Variants in NR3C2 observed in about 807,000 individuals in gnomAD.
NR3C2 encodes mineralocorticoid receptor.
In NR3C2, 15 loss-of-function variants were observed where a neutral mutation model predicts 86.4. That is an observed-to-expected ratio of 0.17 (90% CI 0.12 to 0.27). The LOEUF is 0.27. NR3C2 is among the 10% of genes least tolerant of loss of function. The pLI, the probability that NR3C2 is intolerant of heterozygous loss-of-function variation, is 1.00. For missense variants in NR3C2, 960 were observed against 1,195.6 expected, an observed-to-expected ratio of 0.80 and a Z score of 2.91; for synonymous variants, 458 against 450.5, an observed-to-expected ratio of 1.02 and a Z score of -0.21.
chr4:148,330,787 T>C (rs1328623124), intron 2 of NR3C2, among the ~76,000 whole-genome samples: 2 of 152,144 alleles, frequency 1.3e-5, no homozygotes, highest in Non-Finnish European at 2.9e-5. Context: ...GTCTGGATCA[T>C]GGGGGCGGAT....
intron 2 of NR3C2, among the ~76,000 whole-genome samples, chr4:148,355,049 T>C (rs1194293044): frequency 6.6e-6 from 1 of 152,230 alleles, no homozygotes; most frequent in African/African-American, 2.4e-5. Flanking sequence ...ACAGTTTTAA[T>C]GGAATTGAAC....
chr4:148,173,133 G>T (rs1302586182), intron 4 of NR3C2, among the ~76,000 whole-genome samples: 1 of 152,210 alleles, frequency 6.6e-6, no homozygotes, highest in Non-Finnish European at 1.5e-5. Flanking sequence ...GAGGGATGGT[G>T]TCAGGGAGTA....
At chr4:148,442,729 C>T (rs1489992328), upstream of NR3C2, 1 of 985,390 alleles carries the variant, frequency 1.0e-6, no homozygotes, top group Non-Finnish European at 1.2e-6. Context: ...TCCTTAAAGC[C>T]GCAGCCGCGG....
rs1336602427 is a variant in NR3C2 at position 148,318,026 on chromosome 4, TCCCCCCA to T, written c.1758-57916_1758-57910del. The stretch of plus-strand genomic sequence containing the variant: ...ATCTCCCAATGCTATCCCTCCCCCC[TCCCCCCA>T]CCCCACAACAGTCCCCAGAGTGTGA... On this transcript the variant is annotated intron_variant, in intron 2 of 8. Coordinates refer to ENST00000358102, the MANE Select transcript of NR3C2 (RefSeq NM_000901.5). Among the ~76,000 whole-genome samples, 8 of 81,644 alleles carry T rather than the reference TCCCCCCA, an allele frequency of 9.8e-5. No homozygotes were observed. In the East Asian group the frequency reaches 3.3e-3, roughly 33 times the overall value. 53.6% of individuals were successfully genotyped at this position (81,644 alleles called of 152,430 possible). A position where few individuals can be genotyped will look rare whatever the true frequency, so the allele number is the denominator to read the frequency against.
At chr4:148,121,008 C>T (rs1732483120) in intron 6 of NR3C2, among the ~76,000 whole-genome samples, 1 of 152,146 alleles carries the variant, frequency 6.6e-6, no homozygotes, top group African/African-American at 2.4e-5. Context: ...TTTCTCTTTT[C>T]TTGAGAAGTA....
rs768768011 is a variant in NR3C2 at position 148,260,024 on chromosome 4, T to C, written c.1851A>G (p.Val617=). Residue 617 remains valine, a synonymous_variant, in exon 3 of 9, where the codon GTA becomes GTG. Transcript: ENST00000358102. ...GDEASGCHYG[V]VTCGSCKVFF... ...AAACTTTGCAGCTGCCACAGGTGACTACCCCATAATGGCATCCTGAAGCCT... is the reference window on the plus strand; with the variant it reads ...AAACTTTGCAGCTGCCACAGGTGACCACCCCATAATGGCATCCTGAAGCCT... 10 of 1,614,162 alleles carry C rather than the reference T, an allele frequency of 6.2e-6. No homozygotes were observed. The highest frequency in any genetic ancestry group is 2.2e-5 in the South Asian group (2 of 91,086).
At chr4:148,192,475 A>G (rs4027071) in intron 4 of NR3C2, among the ~76,000 whole-genome samples, 152,229 of 152,328 alleles carry the variant, frequency 1, 76,065 homozygotes, top group Middle Eastern at 1. Context: ...AGGAAGTGGC[A>G]ATTTCCAGAA....
chr4:148,420,822 C>G (rs1387624389), intron 2 of NR3C2, among the ~76,000 whole-genome samples: 2 of 152,128 alleles, frequency 1.3e-5, no homozygotes, highest in African/African-American at 4.8e-5. Context: ...TGTAGCAGCT[C>G]CCCACTCCTT....
intron 3 of NR3C2, among the ~76,000 whole-genome samples, chr4:148,222,994 A>C (rs972833657): frequency 1.6e-4 from 25 of 152,360 alleles, no homozygotes; most frequent in African/African-American, 2.9e-4. Context: ...AAAAACCAAA[A>C]CAAAACAAAA....
At chr4:148,350,015 T>C (rs1745193540) in intron 2 of NR3C2, among the ~76,000 whole-genome samples, 1 of 152,186 alleles carries the variant, frequency 6.6e-6, no homozygotes, top group South Asian at 2.1e-4. Flanking sequence ...AGTTTTCTTT[T>C]CTGAAAGTAC....
rs537158747 is a variant in NR3C2 at position 148,298,524 on chromosome 4, T to C, written c.1758-38407A>G. ...CAAATTGCTAATTTACTTTCCTCTT[T>C]ACCAGTGAAGTCACAGCTAAATTAA... is the stretch of plus-strand genomic sequence containing the variant. On this transcript the variant is annotated intron_variant, in intron 2 of 8. Coordinates refer to ENST00000358102, the MANE Select transcript of NR3C2 (RefSeq NM_000901.5). Among the ~76,000 whole-genome samples, 45 of 152,348 alleles carry C rather than the reference T, an allele frequency of 3.0e-4. No homozygotes were observed. In the South Asian group the frequency reaches 9.3e-3, roughly 32 times the overall value.
At chr4:148,103,824 G>A (rs1731653246) in intron 8 of NR3C2, among the ~76,000 whole-genome samples, 1 of 152,078 alleles carries the variant, frequency 6.6e-6, no homozygotes, top group Admixed American at 6.5e-5. Context: ...CAGACTCCAC[G>A]GCCCCAGCTG....
intron 2 of NR3C2, among the ~76,000 whole-genome samples, chr4:148,396,415 G>A (rs1747863681): frequency 1.3e-5 from 2 of 152,166 alleles, no homozygotes; most frequent in African/African-American, 4.8e-5. Context: ...TTCTGTACAT[G>A]TCTAAATTAC....
At chr4:148,214,343 T>C (rs1737419473) in intron 3 of NR3C2, among the ~76,000 whole-genome samples, 1 of 152,200 alleles carries the variant, frequency 6.6e-6, no homozygotes, top group South Asian at 2.1e-4. Flanking sequence ...TAGGCAGTTT[T>C]TATTGGTGTT....
At chr4:148,440,564 CTT>C (rs1197523225) in intron 1 of NR3C2, among the ~76,000 whole-genome samples, 1 of 152,228 alleles carries the variant, frequency 6.6e-6, no homozygotes, top group Non-Finnish European at 1.5e-5. Context: ...CAAAGATTCT[CTT>C]AGGACAAATG....
rs1733732418 is a variant in NR3C2, at chr4:148,143,809, T to G, written c.2510+8660A>C. Among the ~76,000 whole-genome samples the G allele has an allele frequency of 2.0e-5, 3 of 151,732 alleles. No homozygotes were observed. The South Asian group carries it at 6.2e-4, about 32-fold the overall frequency. On this transcript the variant is annotated intron_variant, in intron 6 of 8. Coordinates refer to ENST00000358102, the MANE Select transcript of NR3C2 (RefSeq NM_000901.5). ...AAAAAAATACAAAATTAACCAGGTG[T>G]GGTGGCACATGCCTGTAGTCCCAGC...
intron 2 of NR3C2, among the ~76,000 whole-genome samples, chr4:148,263,999 T>C (rs1037341279): frequency 1.1e-4 from 17 of 152,236 alleles, no homozygotes; most frequent in African/African-American, 3.9e-4. Context: ...GTACTATTTA[T>C]TGAGTGAATG....
At chr4:148,199,522 T>G (rs1736610291) in intron 3 of NR3C2, among the ~76,000 whole-genome samples, 1 of 152,100 alleles carries the variant, frequency 6.6e-6, no homozygotes, top group African/African-American at 2.4e-5. Context: ...GCACATACAC[T>G]CAGGGGCAGA....
chr4:148,431,107 A>G (rs1172388159), intron 2 of NR3C2, among the ~76,000 whole-genome samples: 3 of 152,160 alleles, frequency 2.0e-5, no homozygotes, highest in Non-Finnish European at 4.4e-5. Flanking sequence ...TGTTTCCATG[A>G]GGAATTGTAT....
Sources: gnomAD v4.1 joint callset for allele counts (sites outside exome capture counted in the v4.1 genomes callset) on GRCh38, gnomAD v4.1.1 for gene constraint, MANE v1.5 for transcripts, NCBI Gene and HGNC (gene_info 2026-07-23, HGNC 2026-07-21) for gene names.